Variants in CPS1 observed in about 807,000 individuals in gnomAD.
CPS1 encodes the protein carbamoyl-phosphate synthase [ammonia], mitochondrial.
CPS1 carries 109 observed loss-of-function variants against 174.6 expected under a neutral mutation model. The observed-to-expected ratio is 0.62, with a 90% CI of 0.53 to 0.73. The LOEUF is 0.73. Ranked by LOEUF, CPS1 falls within the 30% of genes least tolerant of loss-of-function variation. The pLI is 0.00. For synonymous variants in CPS1, 637 were observed against 632.0 expected, an observed-to-expected ratio of 1.01 and a Z score of -0.12; for missense variants, 1,689 against 1,821.9, an observed-to-expected ratio of 0.93 and a Z score of 1.33.
intron 1 of CPS1, among the ~76,000 whole-genome samples, chr2:210,516,419 G>A (rs778642452): frequency 1.6e-4 from 24 of 151,512 alleles, no homozygotes; most frequent in African/African-American, 5.1e-4. Context: ...ATTTAATTGC[G>A]CCTTTTCCTC....
intron 1 of CPS1, among the ~76,000 whole-genome samples, chr2:210,508,367 A>G (rs1423973057): frequency 2.0e-5 from 3 of 151,746 alleles, no homozygotes; most frequent in Admixed American, 2.0e-4. Flanking sequence ...TCTCTGGGAC[A>G]CATTCAAAGC....
At position 210,590,127 on chromosome 2, in the gene CPS1, G is replaced by A. The variant is rs1455344917; in HGVS notation, c.733G>A (p.Val245Ile). The change falls in exon 8 of 38, where the codon GTT becomes ATT. Residue 245 changes from valine to isoleucine, a missense_variant. Val to Ile is a conservative substitution (Grantham distance 29). Coordinates refer to ENST00000233072, the MANE Select transcript of CPS1 (RefSeq NM_001875.5). ...CCAGCGAGGAGCTGAAGTGCACTTA[G>A]TTCCCTGGAACCATGATTTCACCAA... ...LVKRGAEVHL[V>I]PWNHDFTKME... is the part of the protein sequence containing the mutation. 6.2e-7 allele frequency: 1 copy of A among 1,612,826 alleles called. No homozygotes were observed. Among genetic ancestry groups the A allele is most frequent in the South Asian group, 1.1e-5 (1 of 91,062 alleles).
At chr2:210,668,435 T>G in intron 34 of CPS1, 151 bp downstream of exon 34, 2 of 700,886 alleles carry the variant, frequency 2.9e-6, no homozygotes, top group Non-Finnish European at 2.6e-6. Flanking sequence ...ATTTGTTCTC[T>G]ATTTGCTTCC....
At chr2:210,608,741 G>T (rs1699013010) in intron 19 of CPS1, among the ~76,000 whole-genome samples, 182 bp downstream of exon 19, 1 of 151,832 alleles carries the variant, frequency 6.6e-6, no homozygotes, top group Non-Finnish European at 1.5e-5. Context: ...GTCTCTATGT[G>T]ATTGTTTACA....
chr2:210,595,431 G>A (rs1020097596), intron 12 of CPS1, 56 bp from the exon 13 acceptor site: 4 of 1,211,522 alleles, frequency 3.3e-6, no homozygotes, highest in South Asian at 1.2e-5. Context: ...TCTTGAAAAT[G>A]CCTTATTTCC....
intron 17 of CPS1, among the ~76,000 whole-genome samples, chr2:210,606,176 G>C (rs746827521): frequency 1.3e-5 from 2 of 151,870 alleles, no homozygotes; most frequent in Non-Finnish European, 2.9e-5. Flanking sequence ...CAAGTGGTAA[G>C]CAGAATTGGC....
intron 1 of CPS1, among the ~76,000 whole-genome samples, chr2:210,565,494 A>G (rs1216479336): frequency 3.3e-5 from 5 of 152,172 alleles, no homozygotes; most frequent in Non-Finnish European, 7.4e-5. Flanking sequence ...GTATGTTTAC[A>G]TGTTTTATGA....
intron 33 of CPS1, among the ~76,000 whole-genome samples, chr2:210,664,187 A>C (rs1701015102): frequency 6.6e-6 from 1 of 152,114 alleles, no homozygotes; most frequent in African/African-American, 2.4e-5. Context: ...TGAAGGCACT[A>C]TGTACGTTTC....
At chr2:210,609,691 T>G (rs1270151805) in intron 19 of CPS1, among the ~76,000 whole-genome samples, 1 of 151,928 alleles carries the variant, frequency 6.6e-6, no homozygotes, top group Non-Finnish European at 1.5e-5. Context: ...GCTTTTAGTC[T>G]ATGTATCTAA....
intron 1 of CPS1, among the ~76,000 whole-genome samples, chr2:210,484,624 C>T (rs1694667271): frequency 6.6e-6 from 1 of 152,206 alleles, no homozygotes; most frequent in Non-Finnish European, 1.5e-5. Flanking sequence ...CAGATCACCA[C>T]ATCTGGACGA....
At chr2:210,652,356 C>G (rs1447341725) in intron 28 of CPS1, among the ~76,000 whole-genome samples, 2 of 152,184 alleles carry the variant, frequency 1.3e-5, no homozygotes, top group African/African-American at 4.8e-5. Context: ...CTGTAGTACA[C>G]AGAGTGAATT....
At chr2:210,569,309 C>G (rs1260107050) in intron 1 of CPS1, among the ~76,000 whole-genome samples, 1 of 152,034 alleles carries the variant, frequency 6.6e-6, no homozygotes, top group Non-Finnish European at 1.5e-5. Context: ...ATGAGGCCAT[C>G]AAGGCAGACC....
chr2:210,552,224 T>C (rs1264945497), upstream of CPS1, among the ~76,000 whole-genome samples: 1 of 152,044 alleles, frequency 6.6e-6, no homozygotes. Flanking sequence ...TCTCCAGTCA[T>C]ACCTTACTCC....
chr2:210,501,254 G>A (rs1695132274), intron 1 of CPS1, among the ~76,000 whole-genome samples: 1 of 152,030 alleles, frequency 6.6e-6, no homozygotes, highest in Non-Finnish European at 1.5e-5. Flanking sequence ...ACATACCCTG[G>A]GGACATTTTC....
chr2:210,487,873 A>G (rs1344164059), intron 1 of CPS1, among the ~76,000 whole-genome samples: 1 of 152,208 alleles, frequency 6.6e-6, no homozygotes, highest in Non-Finnish European at 1.5e-5. Flanking sequence ...ATGTCAGGAA[A>G]ATGCCCAGAA....
At chr2:210,517,832 A>C (rs571480296) in intron 1 of CPS1, among the ~76,000 whole-genome samples, 1 of 151,992 alleles carries the variant, frequency 6.6e-6, no homozygotes, top group African/African-American at 2.4e-5. Flanking sequence ...TCTTATGGCT[A>C]TGCTGTAGTT....
At chr2:210,531,670 A>T (rs963659969) in intron 1 of CPS1, among the ~76,000 whole-genome samples, 6 of 152,078 alleles carry the variant, frequency 3.9e-5, no homozygotes, top group African/African-American at 1.4e-4. Context: ...TGGACAGATG[A>T]TGTGCTTAGA....
intron 21 of CPS1, among the ~76,000 whole-genome samples, chr2:210,633,113 C>T (rs1370639663): frequency 1.3e-5 from 2 of 152,178 alleles, no homozygotes; most frequent in Non-Finnish European, 2.9e-5. Flanking sequence ...AGAAAGTTTT[C>T]ACTCCCATTC....
chr2:210,670,331 T>G (rs1046675626), intron 34 of CPS1, among the ~76,000 whole-genome samples: 3 of 152,146 alleles, frequency 2.0e-5, no homozygotes, highest in Non-Finnish European at 4.4e-5. Flanking sequence ...GGATTTTCAT[T>G]CATGGTGTTT....
Sources: allele counts gnomAD v4.1 joint callset (sites outside exome capture counted in the v4.1 genomes callset), GRCh38; gene constraint gnomAD v4.1.1; transcripts MANE v1.5; gene names NCBI Gene and HGNC (gene_info 2026-07-23, HGNC 2026-07-21).